Variants in TBL1X observed in about 807,000 individuals in gnomAD.
TBL1X encodes the protein F-box-like/WD repeat-containing protein TBL1X.
TBL1X carries 10 observed loss-of-function variants against 50.7 expected under a neutral mutation model. The ratio of observed to expected loss-of-function variants is 0.20; its 90% CI spans 0.12 to 0.33. TBL1X has a LOEUF of 0.33. TBL1X is among the 10% of genes least tolerant of loss of function. The pLI is 1.00. For missense variants in TBL1X, 340 were observed against 504.4 expected, an observed-to-expected ratio of 0.67 and a Z score of 3.12; for synonymous variants, 190 against 214.7, an observed-to-expected ratio of 0.88 and a Z score of 1.01.
At chrX:9,492,085 A>T (rs2081947789) in intron 1 of TBL1X, among the ~76,000 whole-genome samples, 1 of 111,783 alleles carries the variant, frequency 8.9e-6, no homozygotes, top group African/African-American at 3.3e-5. Flanking sequence ...TTTGTTATGA[A>T]ATACTTCTTT....
intron 1 of TBL1X, among the ~76,000 whole-genome samples, chrX:9,466,895 A>G (rs1216061532): frequency 8.9e-6 from 1 of 112,122 alleles, no homozygotes. Context: ...GTTGTTCATC[A>G]CTGGATCACC....
chrX:9,502,707 C>G (rs1349456088), intron 2 of TBL1X, among the ~76,000 whole-genome samples: 1 of 112,592 alleles, frequency 8.9e-6, no homozygotes, highest in Non-Finnish European at 1.9e-5. Context: ...TCTTTCATCT[C>G]TGCTGTTCAA....
chrX:9,552,863 C>G (rs1287498209), intron 2 of TBL1X, among the ~76,000 whole-genome samples: 1 of 112,152 alleles, frequency 8.9e-6, no homozygotes, highest in East Asian at 2.8e-4. Flanking sequence ...ATCTCAAGGC[C>G]TGGTGCCAGG....
intron 1 of TBL1X, among the ~76,000 whole-genome samples, chrX:9,474,682 G>T (rs1271952321): frequency 3.5e-5 from 4 of 112,933 alleles, no homozygotes; most frequent in African/African-American, 1.3e-4. Context: ...TTTTATGACT[G>T]CATTGTTTTC....
At chrX:9,564,340 A>G (rs979295773) in intron 2 of TBL1X, among the ~76,000 whole-genome samples, 3 of 111,417 alleles carry the variant, frequency 2.7e-5, no homozygotes, top group Non-Finnish European at 3.8e-5. Flanking sequence ...AGAAAGGGGG[A>G]GGTTTGGGAT....
chrX:9,530,257 G>A (rs977648352), intron 2 of TBL1X, among the ~76,000 whole-genome samples: 5 of 111,978 alleles, frequency 4.5e-5, no homozygotes, highest in African/African-American at 9.7e-5. Context: ...AGAGTCAGTA[G>A]CTTCTAGGTC....
intron 1 of TBL1X, among the ~76,000 whole-genome samples, chrX:9,483,686 G>C (rs774443986): frequency 9.0e-6 from 1 of 111,275 alleles, no homozygotes; most frequent in Non-Finnish European, 1.9e-5. Context: ...ACTCCTATGC[G>C]GGTCTCTTTG....
intron 2 of TBL1X, among the ~76,000 whole-genome samples, chrX:9,504,410 C>A (rs2082016283): frequency 1.8e-5 from 2 of 112,166 alleles, no homozygotes; most frequent in South Asian, 7.3e-4. Flanking sequence ...ATGATTACAA[C>A]ATCTCTCCAT....
At chrX:9,710,245 GAA>G (rs61536992) in intron 15 of TBL1X, among the ~76,000 whole-genome samples, 2 of 94,616 alleles carry the variant, frequency 2.1e-5, no homozygotes, top group Non-Finnish European at 4.3e-5. Flanking sequence ...AACAGAAGAA[GAA>G]AAAAAACCAC....
intron 2 of TBL1X, among the ~76,000 whole-genome samples, chrX:9,633,848 C>T (rs962294628): frequency 7.2e-5 from 8 of 111,650 alleles, no homozygotes; most frequent in Non-Finnish European, 1.5e-4. Flanking sequence ...CAGGCAAACC[C>T]TAGCACGTTG....
Position 9,636,069 on chromosome X carries a change from G to A in TBL1X, c.-130-4204G>A, listed in dbSNP as rs1276289909. ...AGCCAGATGCAAGAGGTCACATATT[G>A]TATGATCTCATTTAGTGCCCCAAAT... On this transcript the variant is annotated intron_variant, in intron 2 of 17. Transcript: ENST00000645353. Among the ~76,000 whole-genome samples the A allele has an allele frequency of 5.4e-5, 6 of 112,066 alleles. No homozygotes were observed. In the South Asian group the frequency reaches 1.9e-3, roughly 35 times the overall value.
At chrX:9,491,330 A>AT (rs1569205520) in intron 1 of TBL1X, among the ~76,000 whole-genome samples, 2 of 22,733 alleles carry the variant, frequency 8.8e-5, no homozygotes, top group African/African-American at 3.5e-4. Context: ...ATATATATAT[A>AT]TATATATATT....
chrX:9,509,081 G>T (rs866942984), intron 2 of TBL1X, among the ~76,000 whole-genome samples: 5 of 102,599 alleles, frequency 4.9e-5, no homozygotes, highest in Admixed American at 1.1e-4. Context: ...TGTTTTTTTT[G>T]TTTTTTTTTT....
chrX:9,618,819 T>A (rs1231875354), intron 2 of TBL1X, among the ~76,000 whole-genome samples: 4 of 112,660 alleles, frequency 3.6e-5, no homozygotes, highest in African/African-American at 9.7e-5. Flanking sequence ...TATTAGCTAG[T>A]TAATCTAGTC....
intron 2 of TBL1X, among the ~76,000 whole-genome samples, chrX:9,570,019 T>G (rs2082376765): frequency 8.9e-6 from 1 of 111,757 alleles, no homozygotes; most frequent in Non-Finnish European, 1.9e-5. Context: ...TGCTAATCTA[T>G]CTTATTAAAA....
At chrX:9,558,064 C>T (rs964748640) in intron 2 of TBL1X, among the ~76,000 whole-genome samples, 1 of 112,363 alleles carries the variant, frequency 8.9e-6, no homozygotes, top group African/African-American at 3.2e-5. Context: ...TCTATGGACC[C>T]TAGTGTGATT....
At chrX:9,653,832 T>G in intron 4 of TBL1X, 143 bp downstream of exon 4, 1 of 541,001 alleles carries the variant, frequency 1.8e-6, no homozygotes, top group South Asian at 3.3e-5. Context: ...GAGTGCACTT[T>G]GGGATTCCAT....
At chrX:9,636,162 A>T (rs1032224727) in intron 2 of TBL1X, 1 of 111,666 alleles carries the variant, frequency 9.0e-6, no homozygotes, top group Non-Finnish European at 1.9e-5. Flanking sequence ...AATGGGAGTG[A>T]CTGCTTAGTG....
At chrX:9,628,734 G>C in intron 2 of TBL1X, among the ~76,000 whole-genome samples, 1 of 111,100 alleles carries the variant, frequency 9.0e-6, no homozygotes, top group East Asian at 2.8e-4. Flanking sequence ...TTTTAGTAGA[G>C]ACAGGGTTTC....
Sources: allele counts gnomAD v4.1 joint callset (sites outside exome capture counted in the v4.1 genomes callset), GRCh38; gene constraint gnomAD v4.1.1; transcripts MANE v1.5; gene names NCBI Gene and HGNC (gene_info 2026-07-23, HGNC 2026-07-21).